The following GPM6A variants were observed in gnomAD, a reference collection of about 807,000 sequenced individuals.
GPM6A encodes glycoprotein M6A.
In GPM6A, 7 loss-of-function variants were observed where a neutral mutation model predicts 32.1. The ratio of observed to expected loss-of-function variants is 0.22; its 90% confidence interval spans 0.12 to 0.41. The LOEUF (loss-of-function observed/expected upper bound fraction) is 0.41, where lower values mean the gene tolerates loss of function less well. Among genes scored for constraint, GPM6A ranks in the 10% least tolerant of loss-of-function variants. The probability of loss-of-function intolerance (pLI) is 1.00; values close to 1 mark genes in which losing one functional copy is unlikely to be tolerated. For missense variants in GPM6A, 235 were observed against 347.2 expected (o/e 0.68, Z 2.57); for synonymous variants, 130 against 123.4 (o/e 1.05, Z -0.35).
chr4:175,656,135 C>A (rs1742071382), intron 3 of GPM6A, among the ~76,000 whole-genome samples: 1 of 151,972 alleles, frequency 6.6e-6, no homozygotes, highest in Admixed American at 6.6e-5. Flanking sequence ...GGATCACTCA[C>A]ATATAGTAAA....
rs1738028425 is a variant in GPM6A, at chr4:175,903,328, G to T, written c.-22-91079C>A. Among the ~76,000 whole-genome samples the T allele has an allele frequency of 2.0e-5, 3 of 151,890 alleles. No individual in the cohort carries two copies. In the South Asian group the frequency reaches 6.2e-4, roughly 32 times the overall value. Reference sequence around the variant, plus strand: ...GAGTAAATTAATAGATAAATAAATAGAAAAAGTCTCCCTTAAAGGGGAATG... The same window carrying T: ...GAGTAAATTAATAGATAAATAAATATAAAAAGTCTCCCTTAAAGGGGAATG... On this transcript the variant is annotated intron_variant, in intron 1 of 7. Transcript: ENST00000280187.
At chr4:175,945,760 ACGGGTG>A (rs1739579144) in intron 1 of GPM6A, among the ~76,000 whole-genome samples, 1 of 150,818 alleles carries the variant, frequency 6.6e-6, no homozygotes, top group African/African-American at 2.4e-5. Context: ...ACTCAGTAAT[ACGGGTG>A]CATATTACAT....
intron 1 of GPM6A, among the ~76,000 whole-genome samples, chr4:175,851,894 A>C (rs562836863): frequency 6.7e-6 from 1 of 148,920 alleles, no homozygotes; most frequent in South Asian, 2.1e-4. Context: ...CAACAGACAC[A>C]TGTCGGTGGT....
At chr4:175,851,484 C>CA (rs564843754) in intron 1 of GPM6A, among the ~76,000 whole-genome samples, 566 of 53,678 alleles carry the variant, frequency 0.011, 4 homozygotes, top group East Asian at 0.056. Flanking sequence ...GACTCCGTCT[C>CA]AAAAAAAAAA....
chr4:175,984,298 G>A (rs1333824213), intron 1 of GPM6A, among the ~76,000 whole-genome samples: 1 of 152,058 alleles, frequency 6.6e-6, no homozygotes, highest in Non-Finnish European at 1.5e-5. Context: ...GAGTAGCTGG[G>A]ACTACAGGTG....
chr4:175,879,435 C>A (rs1187946782), intron 1 of GPM6A, among the ~76,000 whole-genome samples: 3 of 152,082 alleles, frequency 2.0e-5, no homozygotes, highest in African/African-American at 7.2e-5. Flanking sequence ...AGGGGGAGGC[C>A]TCAGGAAACT....
At chr4:175,876,746 CA>C (rs1696490989) in intron 1 of GPM6A, among the ~76,000 whole-genome samples, 1 of 152,158 alleles carries the variant, frequency 6.6e-6, no homozygotes, top group South Asian at 2.1e-4. Context: ...ACCAATCCAG[CA>C]ATTTTTGCCA....
chr4:175,933,829 C>T (rs1293837818), intron 1 of GPM6A, among the ~76,000 whole-genome samples: 1 of 152,156 alleles, frequency 6.6e-6, no homozygotes, highest in Non-Finnish European at 1.5e-5. Context: ...CAGGCGTGAG[C>T]CACTGCGCCC....
At chr4:175,856,275 A>G (rs1281943735) in intron 1 of GPM6A, among the ~76,000 whole-genome samples, 1 of 152,192 alleles carries the variant, frequency 6.6e-6, no homozygotes, top group Non-Finnish European at 1.5e-5. Context: ...GAGATGGGAG[A>G]GTTCCCTTGA....
chr4:175,669,510 C>T, intron 3 of GPM6A, among the ~76,000 whole-genome samples: 1 of 152,124 alleles, frequency 6.6e-6, no homozygotes, highest in East Asian at 1.9e-4. Context: ...TTGAGCATCA[C>T]GTTGACGCTC....
intron 1 of GPM6A, among the ~76,000 whole-genome samples, chr4:175,780,348 C>T (rs1237966861): frequency 6.6e-6 from 1 of 152,134 alleles, no homozygotes; most frequent in Non-Finnish European, 1.5e-5. Context: ...ATGCCAGGCC[C>T]AGGCATCAAC....
chr4:175,785,547 T>C (rs1356087395), intron 1 of GPM6A, among the ~76,000 whole-genome samples: 1 of 152,216 alleles, frequency 6.6e-6, no homozygotes, highest in African/African-American at 2.4e-5. Flanking sequence ...TCTCATCTCC[T>C]CTAAATCACC....
Position 175,795,868 on chromosome 4 carries a change from C to G in GPM6A, c.37+16323G>C, listed in dbSNP as rs187912909. The stretch of plus-strand genomic sequence containing the variant: ...GCTCTGGAGAAGCCAGGCACCATGG[C>G]ATGAGGCAGCCCTGTGGAGAGGTTC... On this transcript the variant is annotated intron_variant, in intron 1 of 6. Coordinates refer to ENST00000393658, the MANE Select transcript of GPM6A (RefSeq NM_201591.3). 1,125 of 152,406 alleles carry G rather than the reference C, an allele frequency of 7.4e-3. 12 individuals carry two copies. Among genetic ancestry groups the G allele is most frequent in the Middle Eastern group, 0.014 (4 of 294 alleles). 9.4% of individuals were successfully genotyped at this position (152,406 alleles called of 1,614,324 possible). A position where few individuals can be genotyped will look rare whatever the true frequency, so the allele number is the denominator to read the frequency against.
At chr4:175,914,618 C>T (rs773338220) in intron 1 of GPM6A, among the ~76,000 whole-genome samples, 2 of 152,244 alleles carry the variant, frequency 1.3e-5, no homozygotes, top group African/African-American at 4.8e-5. Context: ...CCACCGCGTC[C>T]GCCTGCAAAT....
At chr4:175,801,116 T>G (rs975695000) in intron 1 of GPM6A, 1 of 152,214 alleles carries the variant, frequency 6.6e-6, no homozygotes, top group Non-Finnish European at 1.5e-5. Flanking sequence ...AACAATAAAG[T>G]CTTCAAATAG....
chr4:175,746,544 G>T (rs967045109), intron 1 of GPM6A, among the ~76,000 whole-genome samples: 1 of 152,006 alleles, frequency 6.6e-6, no homozygotes, highest in African/African-American at 2.4e-5. Context: ...AATTCTTATA[G>T]GTAAGTTTCT....
intron 1 of GPM6A, among the ~76,000 whole-genome samples, chr4:175,982,111 GT>G (rs1308094937): frequency 6.6e-6 from 1 of 151,848 alleles, no homozygotes; most frequent in Non-Finnish European, 1.5e-5. Flanking sequence ...TTGTTAGTGG[GT>G]TTTTATTATT....
At chr4:175,701,498 G>T in intron 2 of GPM6A, 77 bp downstream of exon 2, 1 of 991,976 alleles carries the variant, frequency 1.0e-6, no homozygotes, top group Non-Finnish European at 1.6e-6. Flanking sequence ...TCATCTAACT[G>T]TAGGCCCCTA....
intron 1 of GPM6A, among the ~76,000 whole-genome samples, chr4:175,956,208 G>C (rs137896872): frequency 3.3e-5 from 5 of 152,142 alleles, no homozygotes; most frequent in African/African-American, 1.2e-4. Context: ...AATTTCTCTT[G>C]GATATACCAG....
Sources: allele counts gnomAD v4.1 joint callset (sites outside exome capture counted in the v4.1 genomes callset), GRCh38; gene constraint gnomAD v4.1.1; transcripts MANE v1.5; gene names NCBI Gene and HGNC (gene_info 2026-07-23, HGNC 2026-07-21).